Variants in PPARGC1B observed in about 807,000 individuals in gnomAD.
The protein encoded by PPARGC1B is peroxisome proliferator-activated receptor gamma coactivator 1-beta.
A neutral mutation model predicts 101.6 loss-of-function variants in PPARGC1B; 34 were observed. That is an observed-to-expected ratio of 0.33 (90% CI 0.25 to 0.45). The LOEUF (loss-of-function observed/expected upper bound fraction) is 0.45. PPARGC1B is among the 20% of genes least tolerant of loss of function. The probability of loss-of-function intolerance (pLI) is 1.00; values close to 1 mark genes in which losing one functional copy is unlikely to be tolerated. For missense variants in PPARGC1B, 1,234 were observed against 1,317.6 expected (o/e 0.94, Z 0.98); for synonymous variants, 548 against 539.3 (o/e 1.02, Z -0.22).
Position 149,835,383 on chromosome 5 carries a change from C to T in PPARGC1B, c.1807+18C>T, listed in dbSNP as rs1307197497. 5.6e-6 allele frequency: 9 copies of T among 1,611,576 alleles called. No individual in the cohort carries two copies. In the South Asian group the frequency reaches 8.8e-5, roughly 16 times the overall value. ...CACAGCAGGTGAGCCAGGGGGCTTC[C>T]ACTGGCAGGTGCCTTCAGGAAAACA... On this transcript the variant is annotated intron_variant, in intron 7 of 11. Coordinates refer to ENST00000309241, the MANE Select transcript of PPARGC1B (RefSeq NM_133263.4).
At chr5:149,781,878 A>G (rs139460621) in intron 1 of PPARGC1B, among the ~76,000 whole-genome samples, 98 of 152,300 alleles carry the variant, frequency 6.4e-4, no homozygotes, top group Non-Finnish European at 9.6e-4. Flanking sequence ...CCCTGACAGG[A>G]CTTGGCCTGT....
rs1348846182 is a variant in PPARGC1B, at chr5:149,735,756, CAG to C, written c.78+5337_78+5338del. Among the ~76,000 whole-genome samples, 6 of 152,202 alleles carry C rather than the reference CAG, an allele frequency of 3.9e-5. No homozygotes were observed. In the East Asian group the frequency reaches 9.6e-4, roughly 24 times the overall value. On this transcript the variant is annotated intron_variant, in intron 1 of 11. Transcript: ENST00000309241. ...TATTTGACTCTAAGCTCCTTGAAGACAGGGGCTACTCTCAGTTTTTGTTCATC... is the reference window on the plus strand; with the variant it reads ...TATTTGACTCTAAGCTCCTTGAAGACGGGCTACTCTCAGTTTTTGTTCATC...
rs1238793048 is a variant in PPARGC1B, at chr5:149,848,302, G to A, written c.*744G>A. 1 of 152,268 alleles carries A rather than the reference G, an allele frequency of 6.6e-6. No homozygotes were observed. The highest frequency in any genetic ancestry group is 1.5e-5 in the Non-Finnish European group (1 of 68,068). 9.4% of individuals were successfully genotyped at this position (152,268 alleles called of 1,614,324 possible). A position where few individuals can be genotyped will look rare whatever the true frequency, so the allele number is the denominator to read the frequency against. On this transcript the variant is annotated 3_prime_UTR_variant, in exon 12 of 12. Coordinates refer to ENST00000309241, the MANE Select transcript of PPARGC1B (RefSeq NM_133263.4). ...GCTCCAAGTGTGTGTCTATCCATTT[G>A]TACTCAGACTCTTGAGTACCTTGTA...
chr5:149,746,351 A>G (rs569258998), intron 1 of PPARGC1B, among the ~76,000 whole-genome samples: 1 of 152,322 alleles, frequency 6.6e-6, no homozygotes, highest in Non-Finnish European at 1.5e-5. Flanking sequence ...GTGGGATCAC[A>G]GTATTTGTCT....
chr5:149,802,884 G>T (rs12717846), intron 1 of PPARGC1B, among the ~76,000 whole-genome samples: 40,288 of 151,940 alleles, frequency 0.27, 5,754 homozygotes, highest in East Asian at 0.32. Flanking sequence ...TCCAGGAGAG[G>T]CTGATGCTGC....
In PPARGC1B at chr5:149,822,982, T is replaced by TC. The variant is rs1441589070; in HGVS notation, c.252+2376_252+2377insC. Among the ~76,000 whole-genome samples the TC allele has an allele frequency of 9.2e-5, 14 of 152,334 alleles. 1 individual carries two copies. The highest frequency in any genetic ancestry group is 3.1e-4 in the African/African-American group (13 of 41,570). On this transcript the variant is annotated intron_variant, in intron 2 of 11. Transcript: ENST00000309241. Reference sequence around the variant, plus strand: ...TGTTAACAATTAAATGGCACCATTGTTATGGAAACAAACTGGGAGAGTAGA... The same window carrying TC: ...TGTTAACAATTAAATGGCACCATTGTCTATGGAAACAAACTGGGAGAGTAGA...
chr5:149,771,772 G>A (rs1332916514), intron 1 of PPARGC1B, among the ~76,000 whole-genome samples: 1 of 152,182 alleles, frequency 6.6e-6, no homozygotes, highest in Non-Finnish European at 1.5e-5. Flanking sequence ...ACATTCAGTG[G>A]TGTGCTGGGA....
intron 1 of PPARGC1B, among the ~76,000 whole-genome samples, chr5:149,760,646 A>C (rs1169744343): frequency 7.2e-5 from 11 of 152,222 alleles, no homozygotes; most frequent in Non-Finnish European, 2.9e-5. Context: ...ACATAAGTGG[A>C]GCCCAAATGC....
At chr5:149,815,045 G>T (rs1758001758) in intron 1 of PPARGC1B, among the ~76,000 whole-genome samples, 1 of 152,240 alleles carries the variant, frequency 6.6e-6, no homozygotes, top group South Asian at 2.1e-4. Context: ...AGATGGGAAT[G>T]AATGGTCTTG....
intron 1 of PPARGC1B, among the ~76,000 whole-genome samples, chr5:149,773,773 C>T (rs973215224): frequency 6.6e-6 from 1 of 152,038 alleles, no homozygotes; most frequent in Non-Finnish European, 1.5e-5. Flanking sequence ...CGCTTGGAGG[C>T]GTGGGGGAGG....
intron 1 of PPARGC1B, among the ~76,000 whole-genome samples, chr5:149,811,143 T>C (rs554621154): frequency 1.8e-4 from 28 of 152,358 alleles, no homozygotes; most frequent in African/African-American, 6.7e-4. Flanking sequence ...TCTTTTGCTA[T>C]AGGACTGTTT....
At chr5:149,744,889 T>C (rs1190422962) in intron 1 of PPARGC1B, among the ~76,000 whole-genome samples, 3 of 149,414 alleles carry the variant, frequency 2.0e-5, no homozygotes, top group African/African-American at 7.4e-5. Flanking sequence ...AGAGTCTGGT[T>C]CAAATTTTAG....
At chr5:149,747,514 G>A (rs1416130438) in intron 1 of PPARGC1B, among the ~76,000 whole-genome samples, 1 of 152,186 alleles carries the variant, frequency 6.6e-6, no homozygotes. Context: ...AGGTCCCCAG[G>A]GCCCAGCAGG....
intron 1 of PPARGC1B, among the ~76,000 whole-genome samples, chr5:149,798,652 C>T (rs1020158891): frequency 6.6e-6 from 1 of 152,188 alleles, no homozygotes. Flanking sequence ...AGTTCTAGTT[C>T]ACGTTCTTCC....
intron 1 of PPARGC1B, among the ~76,000 whole-genome samples, chr5:149,735,922 G>A (rs951239754): frequency 1.3e-5 from 2 of 152,320 alleles, no homozygotes; most frequent in South Asian, 4.1e-4. Flanking sequence ...CCAGGAGTTC[G>A]AGATCAGCCT....
intron 1 of PPARGC1B, among the ~76,000 whole-genome samples, chr5:149,815,930 G>A (rs376599846): frequency 3.8e-4 from 58 of 152,320 alleles, no homozygotes; most frequent in African/African-American, 1.3e-3. Context: ...ATGAGAGCAT[G>A]TATAGAAGGC....
chr5:149,781,728 C>T (rs1756608386), intron 1 of PPARGC1B, among the ~76,000 whole-genome samples: 1 of 152,136 alleles, frequency 6.6e-6, no homozygotes, highest in Non-Finnish European at 1.5e-5. Flanking sequence ...AATTCTAAAG[C>T]AGGAAAACAA....
intron 3 of PPARGC1B, among the ~76,000 whole-genome samples, chr5:149,828,975 C>T (rs1455757770): frequency 6.6e-6 from 1 of 151,788 alleles, no homozygotes; most frequent in Non-Finnish European, 1.5e-5. Flanking sequence ...TTTCTAAAGC[C>T]AGGAGTGTGA....
chr5:149,804,126 T>C (rs1757519489), intron 1 of PPARGC1B, among the ~76,000 whole-genome samples: 1 of 152,008 alleles, frequency 6.6e-6, no homozygotes, highest in Admixed American at 6.5e-5. Context: ...CAACCCCCGG[T>C]AAAGGGGGGT....
Sources: allele counts gnomAD v4.1 joint callset (sites outside exome capture counted in the v4.1 genomes callset), GRCh38; gene constraint gnomAD v4.1.1; transcripts MANE v1.5; gene names NCBI Gene and HGNC (gene_info 2026-07-23, HGNC 2026-07-21).